MED1: variants seen among roughly 807,000 people sequenced by gnomAD.
MED1 encodes the protein mediator complex subunit 1.
MED1 carries 17 observed loss-of-function variants against 121.3 expected under a neutral mutation model. That is an observed-to-expected ratio of 0.14 (90% confidence interval 0.10 to 0.21). MED1 has a LOEUF of 0.21. Ranked by LOEUF, MED1 falls within the 10% of genes least tolerant of loss-of-function variation. The pLI is 1.00. For synonymous variants in MED1, 661 were observed against 694.4 expected, an observed-to-expected ratio of 0.95 and a Z score of 0.76; for missense variants, 1,558 against 1,919.4, an observed-to-expected ratio of 0.81 and a Z score of 3.52.
In MED1 at chr17:39,405,356, T is replaced by G; in HGVS notation, c.*2119A>C. 6.3e-7 allele frequency: 1 copy of G among 1,576,342 alleles called. No homozygotes were observed. Among genetic ancestry groups the G allele is most frequent in the Non-Finnish European group, 8.6e-7 (1 of 1,160,514 alleles). ...GAAAAGCTTCCCAGTTTACTCATTT[T>G]GGTATTTGTTGGCCCTGCATGGGGG... On this transcript the variant is annotated 3_prime_UTR_variant, in exon 17 of 17. Coordinates refer to ENST00000300651, the MANE Select transcript of MED1 (RefSeq NM_004774.4).
At chr17:39,431,281 CTTT>C (rs35691977) in intron 8 of MED1, 93 bp from the exon 9 acceptor site, 463 of 684,886 alleles carry the variant, frequency 6.8e-4, no homozygotes, top group South Asian at 1.0e-3. Context: ...GAAGTCTTGT[CTTT>C]TTTTTTTTTT....
chr17:39,423,575 A>C, intron 12 of MED1, 122 bp downstream of exon 12: 1 of 1,471,084 alleles, frequency 6.8e-7, no homozygotes, highest in Non-Finnish European at 9.5e-7. Flanking sequence ...AAAGCACTAT[A>C]ACATCTTTAC....
rs975012637 is a variant in MED1 at position 39,431,316 on chromosome 17, C to T, written c.576-128G>A. On this transcript the variant is annotated intron_variant, in intron 8 of 16. Transcript: ENST00000300651. ...TTTTGAGACGGAGTTTCGCTCTTGT[C>T]GCCCAGGCTGAAGTGCAGTGGTACA... The T allele has an allele frequency of 7.4e-5, 53 of 719,472 alleles. No homozygotes were observed. In the Middle Eastern group the frequency reaches 1.6e-3, roughly 21 times the overall value. The allele number at this position is 719,472 out of a possible 1,614,324, so 44.6% of individuals were successfully genotyped here.
intron 1 of MED1, among the ~76,000 whole-genome samples, chr17:39,449,259 G>A (rs1296433714): frequency 2.6e-5 from 4 of 152,030 alleles, no homozygotes; most frequent in Non-Finnish European, 5.9e-5. Flanking sequence ...TGGCTCACTG[G>A]AGCCTTGACC....
Position 39,451,172 on chromosome 17 carries a change from C to T in MED1, c.-110G>A, listed in dbSNP as rs949680313. On this transcript the variant is annotated 5_prime_UTR_variant, in exon 1 of 17. Transcript: ENST00000300651. ...CCCGGGACGCAGGGCACCAGCAGTCCCTACTCTTCCCGGGAAGGATCAATC... is the reference window on the plus strand; with the variant it reads ...CCCGGGACGCAGGGCACCAGCAGTCTCTACTCTTCCCGGGAAGGATCAATC... 5 of 1,238,628 alleles carry T rather than the reference C, an allele frequency of 4.0e-6. No individual in the cohort carries two copies. Among genetic ancestry groups the T allele is most frequent in the Non-Finnish European group, 4.7e-6 (4 of 857,248 alleles). The allele number at this position is 1,238,628 out of a possible 1,614,324, so 76.7% of individuals were successfully genotyped here.
chr17:39,432,048 T>C (rs1274801339), intron 7 of MED1, 32 bp from the exon 8 acceptor site: 1 of 1,528,500 alleles, frequency 6.5e-7, no homozygotes, highest in Non-Finnish European at 9.1e-7. Flanking sequence ...CATGAGTTAA[T>C]AGTTGAAAAA....
chr17:39,426,247 G>A (rs2048514341), intron 10 of MED1, among the ~76,000 whole-genome samples: 1 of 152,104 alleles, frequency 6.6e-6, no homozygotes, highest in Non-Finnish European at 1.5e-5. Flanking sequence ...AGGAGTTCAA[G>A]ACCAGCTTGG....
intron 14 of MED1, among the ~76,000 whole-genome samples, 165 bp from the exon 15 acceptor site, chr17:39,415,504 A>G (rs1248929534): frequency 6.6e-6 from 1 of 151,456 alleles, no homozygotes; most frequent in Non-Finnish European, 1.5e-5. Context: ...CGAAACCCCA[A>G]CTCCACTAAA....
chr17:39,450,484 T>A (rs1439249488), intron 1 of MED1, among the ~76,000 whole-genome samples: 3 of 152,194 alleles, frequency 2.0e-5, no homozygotes, highest in African/African-American at 7.2e-5. Context: ...TAAGGCAGCA[T>A]CTTAGCCGGA....
chr17:39,420,175 C>G (rs1253189269), intron 13 of MED1, among the ~76,000 whole-genome samples: 23 of 151,464 alleles, frequency 1.5e-4, no homozygotes. Context: ...AAAGAGGTTC[C>G]TAAACCATAA....
chr17:39,423,675 G>A (rs776033041), intron 12 of MED1, 22 bp downstream of exon 12: 15 of 1,613,688 alleles, frequency 9.3e-6, no homozygotes, highest in African/African-American at 2.7e-5. Flanking sequence ...ACAAGTACTA[G>A]ATCCTGATGC....
At chr17:39,450,216 C>T (rs945564701) in intron 1 of MED1, among the ~76,000 whole-genome samples, 4 of 152,160 alleles carry the variant, frequency 2.6e-5, no homozygotes, top group African/African-American at 9.7e-5. Flanking sequence ...TCCCAAAGCG[C>T]TGGGATTACA....
In MED1 at chr17:39,431,205, C is replaced by G. The variant is rs1474984426; in HGVS notation, c.576-17G>C. 4 of 1,585,028 alleles carry G rather than the reference C, an allele frequency of 2.5e-6. No homozygotes were observed. In the South Asian group the frequency reaches 4.4e-5, roughly 18 times the overall value. ...GTTGCTTTCCTGTAAGACAAGTGAT[C>G]TATGTTTGCTTATATTTAATCCCTG... On this transcript the variant is annotated splice_polypyrimidine_tract_variant and intron_variant, in intron 8 of 16. Coordinates refer to ENST00000300651, the MANE Select transcript of MED1 (RefSeq NM_004774.4).
At chr17:39,450,177 T>C (rs754150961) in intron 1 of MED1, among the ~76,000 whole-genome samples, 6 of 151,978 alleles carry the variant, frequency 3.9e-5, no homozygotes, top group Non-Finnish European at 7.4e-5. Flanking sequence ...CGCGAACTCC[T>C]GGGCTCCAGG....
chr17:39,431,435 G>A (rs1187065745), intron 8 of MED1, among the ~76,000 whole-genome samples: 1 of 151,970 alleles, frequency 6.6e-6, no homozygotes, highest in African/African-American at 2.4e-5. Flanking sequence ...CCGCCACCAC[G>A]CCCAGCTAAT....
In MED1 at chr17:39,408,422, T is replaced by C. The variant is rs759574969; in HGVS notation, c.3799A>G (p.Thr1267Ala). The change falls in exon 17 of 17, where the codon ACG (threonine) becomes GCG (alanine). Residue 1267 changes from threonine (T) to alanine (A), a missense_variant. Thr to Ala is a moderately conservative substitution (Grantham distance 58). Transcript: ENST00000300651. This position sits in a 1 kb window ranked among gnomAD's most constrained non-coding sequence, Gnocchi z 4.7. ...QKTPPSSNSC[T>A]ASSSSFSSSG... is the part of the protein sequence containing the mutation. ...GAGGAAAAGGAGGAGGAAGATGCCG[T>C]ACAGGAATTAGATGATGGGGGAGTT... is the stretch of plus-strand genomic sequence containing the variant. 1.9e-6 allele frequency: 3 copies of C among 1,614,106 alleles called. No individual in the cohort carries two copies. The East Asian group carries it at 6.7e-5, about 36-fold the overall frequency.
intron 6 of MED1, among the ~76,000 whole-genome samples, chr17:39,436,029 G>T (rs2048615094): frequency 6.6e-6 from 1 of 151,294 alleles, no homozygotes; most frequent in Non-Finnish European, 1.5e-5. Context: ...CCGAGATTGC[G>T]CCACTGTACT....
chr17:39,434,249 T>C lies in MED1; in HGVS notation c.500A>G (p.Asn167Ser). Residue 167 changes from asparagine (N) to serine (S), a missense_variant and splice_region_variant, in exon 7 of 17, where the codon AAC becomes AGC. Physicochemically the swap from Asn to Ser is conservative, Grantham distance 46. Coordinates refer to ENST00000300651, the MANE Select transcript of MED1 (RefSeq NM_004774.4). ...LVNLYNLPGD[N>S]KLKTKMYLAL... ...AAGCAAAAATATTAAAAATACTTAC[T>C]TGTCCCCTGGAAGGTTATACAGATT... 2 of 1,532,402 alleles carry C rather than the reference T, an allele frequency of 1.3e-6. No homozygotes were observed. Among genetic ancestry groups the C allele is most frequent in the South Asian group, 1.2e-5 (1 of 80,632 alleles). 94.9% of individuals were successfully genotyped at this position (1,532,402 alleles called of 1,614,324 possible). A position where few individuals can be genotyped will look rare whatever the true frequency, so the allele number is the denominator to read the frequency against.
In MED1 at chr17:39,417,213, C is replaced by T. The variant is rs184336572; in HGVS notation, c.1298-1874G>A. Among the ~76,000 whole-genome samples the T allele has an allele frequency of 4.6e-5, 7 of 152,102 alleles. No individual in the cohort carries two copies. The South Asian group carries it at 6.2e-4, about 14-fold the overall frequency. Reference sequence around the variant, plus strand: ...GGCATGGTGGTGGATACTTGTAATCCGAGCTACTTGGGAGGCTGAAGCAAG... The same window carrying T: ...GGCATGGTGGTGGATACTTGTAATCTGAGCTACTTGGGAGGCTGAAGCAAG... On this transcript the variant is annotated intron_variant, in intron 14 of 16. Coordinates refer to ENST00000300651, the MANE Select transcript of MED1 (RefSeq NM_004774.4).
Sources: gnomAD v4.1 joint callset for allele counts (sites outside exome capture counted in the v4.1 genomes callset) on GRCh38, gnomAD v4.1.1 for gene constraint, Gnocchi (gnomAD v3.1) non-coding constraint, MANE v1.5 for transcripts, NCBI Gene and HGNC (gene_info 2026-07-23, HGNC 2026-07-21) for gene names.